Variants in DDX46 observed in about 807,000 individuals in gnomAD.
The protein encoded by DDX46 is DEAD-box helicase 46.
Under a neutral mutation model 134.9 loss-of-function variants are expected in DDX46, and 30 were observed. The observed-to-expected ratio is 0.22, with a 90% CI of 0.17 to 0.30. The LOEUF is 0.30. DDX46 is among the 10% of genes least tolerant of loss of function. The pLI is 1.00. For synonymous variants in DDX46, 415 were observed against 404.1 expected (o/e 1.03, Z -0.32); for missense variants, 622 against 1,248.7 (o/e 0.50, Z 7.56).
At chr5:134,780,070 A>G (rs1248826729) in intron 6 of DDX46, among the ~76,000 whole-genome samples, 2 of 151,594 alleles carry the variant, frequency 1.3e-5, no homozygotes, top group East Asian at 3.9e-4. Context: ...CCTGGGTGAC[A>G]GAATAAGACT....
At chr5:134,804,704 AT>A in intron 15 of DDX46, 1 of 211,558 alleles carries the variant, frequency 4.7e-6, no homozygotes, top group South Asian at 6.9e-5. Context: ...TCACAAAAAT[AT>A]GCTTTTTATT....
intron 20 of DDX46, 111 bp from the exon 21 acceptor site, chr5:134,818,749 A>G (rs948895906): frequency 1.3e-6 from 1 of 765,900 alleles, no homozygotes; most frequent in Admixed American, 3.5e-5. Context: ...AGAGAGAGAG[A>G]GAGAGAGACC....
chr5:134,812,282 C>G (rs1755167123), intron 18 of DDX46, among the ~76,000 whole-genome samples: 2 of 151,920 alleles, frequency 1.3e-5, no homozygotes, highest in Admixed American at 1.3e-4. Context: ...CCAGGCTGGT[C>G]TCAGATTCCT....
chr5:134,789,531 C>T (rs1754443367), intron 12 of DDX46, among the ~76,000 whole-genome samples: 1 of 151,802 alleles, frequency 6.6e-6, no homozygotes, highest in East Asian at 1.9e-4. Context: ...ATTGAGAAGT[C>T]ATTGTGCTTG....
intron 1 of DDX46, among the ~76,000 whole-genome samples, chr5:134,761,861 G>A (rs115546627): frequency 1.2e-4 from 18 of 152,246 alleles, no homozygotes; most frequent in African/African-American, 4.1e-4. Context: ...ATGCCTGGAT[G>A]ATTGCTATAG....
chr5:134,828,628 C>A, intron 22 of DDX46, 31 bp from the exon 23 acceptor site: 4 of 1,341,100 alleles, frequency 3.0e-6, no homozygotes, highest in Non-Finnish European at 2.0e-6. Context: ...TTTGCTTTCT[C>A]TGATGACATA....
rs193097609 is a variant in DDX46, at chr5:134,806,518, A to G, written c.1955-1230A>G. Among the ~76,000 whole-genome samples, 194 of 152,360 alleles carry G rather than the reference A, an allele frequency of 1.3e-3. 2 individuals are homozygous for G. The Middle Eastern group carries it at 0.031, about 24-fold the overall frequency. Reference sequence around the variant, plus strand: ...CTAAAGTAAAAGTTTTGGTATTTTCAAATTATAAACAAATTTATATTGATA... The same window carrying G: ...CTAAAGTAAAAGTTTTGGTATTTTCGAATTATAAACAAATTTATATTGATA... On this transcript the variant is annotated intron_variant, in intron 15 of 22. Transcript: ENST00000452510.
rs1753480617 is a variant in DDX46 at position 134,764,037 on chromosome 5, A to C, written c.151A>C (p.Arg51=). 1 of 1,614,176 alleles carries C rather than the reference A, an allele frequency of 6.2e-7. No homozygotes were observed. Among genetic ancestry groups the C allele is most frequent in the Non-Finnish European group, 8.5e-7 (1 of 1,180,026 alleles). ...TAGAGATAGAGATAGGAGGAGAGAG[A>C]GGTCTCGTAGCAGGGATAAAAGAAG... The part of the protein sequence containing the change: ...RSRDRDRRRE[R]SRSRDKRRSR... The change falls in exon 2 of 23, where the codon AGG becomes CGG. Residue 51 remains arginine (R), a synonymous_variant. Coordinates refer to ENST00000452510, the MANE Select transcript of DDX46 (RefSeq NM_001300860.2).
intron 21 of DDX46, 179 bp from the exon 22 acceptor site, chr5:134,826,768 T>G (rs1258439722): frequency 3.8e-6 from 2 of 526,484 alleles, no homozygotes; most frequent in Non-Finnish European, 6.6e-6. Context: ...GTAATCAAAA[T>G]AATAAGCAGC....
At position 134,816,615 on chromosome 5, in the gene DDX46, T is replaced by C. The variant is rs1301757770; in HGVS notation, c.2613+9T>C. ...GCATCGAGTCTCAGGTATTAAGTAA[T>C]TTGTTCCAAGTCTCAGTCAATACTT... On this transcript the variant is annotated intron_variant, in intron 19 of 22. Coordinates refer to ENST00000452510, the MANE Select transcript of DDX46 (RefSeq NM_001300860.2). 6.2e-7 allele frequency: 1 copy of C among 1,610,150 alleles called. No individual in the cohort carries two copies. The highest frequency in any genetic ancestry group is 1.7e-5 in the Admixed American group (1 of 59,302).
intron 15 of DDX46, among the ~76,000 whole-genome samples, chr5:134,803,987 C>T (rs1398100024): frequency 7.2e-6 from 1 of 139,274 alleles, no homozygotes; most frequent in Non-Finnish European, 1.5e-5. Context: ...AGCTGGAGTG[C>T]AGGGGTGTGA....
chr5:134,805,413 G>A (rs1479361916), intron 15 of DDX46, among the ~76,000 whole-genome samples: 1 of 151,936 alleles, frequency 6.6e-6, no homozygotes, highest in African/African-American at 2.4e-5. Flanking sequence ...TAATCCGCCC[G>A]CCTCGGCCTC....
chr5:134,806,434 A>G (rs1754989035), intron 15 of DDX46, among the ~76,000 whole-genome samples: 1 of 152,212 alleles, frequency 6.6e-6, no homozygotes, highest in Non-Finnish European at 1.5e-5. Context: ...CAGTTAGCAT[A>G]TTATATTCAA....
intron 15 of DDX46, among the ~76,000 whole-genome samples, chr5:134,804,446 T>C (rs1754923718): frequency 6.6e-6 from 1 of 152,162 alleles, no homozygotes; most frequent in East Asian, 1.9e-4. Flanking sequence ...TTTGTCTTTT[T>C]ATTTTTTTTG....
At position 134,777,505 on chromosome 5, in the gene DDX46, G is replaced by A. The variant is rs1343661680; in HGVS notation, c.614-69G>A. On this transcript the variant is annotated intron_variant, in intron 5 of 22. Coordinates refer to ENST00000452510, the MANE Select transcript of DDX46 (RefSeq NM_001300860.2). ...TGGCAGAAAAGGTTAGAGAGGTGGG[G>A]TGTGGTCTGATTGTGAAATACTGCA... The A allele has an allele frequency of 3.8e-6, 6 of 1,569,218 alleles. No homozygotes were observed. The Admixed American group carries it at 5.4e-5, about 14-fold the overall frequency.
chr5:134,799,049 A>T (rs1429055610), intron 15 of DDX46, among the ~76,000 whole-genome samples: 1 of 152,032 alleles, frequency 6.6e-6, no homozygotes, highest in East Asian at 1.9e-4. Flanking sequence ...TTCCGGGAGG[A>T]TGTAGGTAAT....
chr5:134,795,209 T>G (rs943269585), intron 14 of DDX46, among the ~76,000 whole-genome samples, 195 bp downstream of exon 14: 1 of 143,940 alleles, frequency 6.9e-6, no homozygotes, highest in Non-Finnish European at 1.5e-5. Flanking sequence ...TGCTTGTTTT[T>G]TTTTTTTTTT....
At chr5:134,771,134 TTCTG>T (rs1442107898) in intron 4 of DDX46, 135 bp downstream of exon 4, 24 of 545,744 alleles carry the variant, frequency 4.4e-5, no homozygotes, top group Non-Finnish European at 7.4e-5. Flanking sequence ...CTGTCTTTCT[TTCTG>T]TCTGTCTCTG....
At chr5:134,782,834 C>T (rs1384510167) in intron 8 of DDX46, 111 bp from the exon 9 acceptor site, 10 of 1,365,336 alleles carry the variant, frequency 7.3e-6, no homozygotes, top group East Asian at 2.6e-5. Context: ...AGGTGTGAGC[C>T]GCTGGGTCTG....
Sources: gnomAD v4.1 joint callset for allele counts (sites outside exome capture counted in the v4.1 genomes callset) on GRCh38, gnomAD v4.1.1 for gene constraint, MANE v1.5 for transcripts, NCBI Gene and HGNC (gene_info 2026-07-23, HGNC 2026-07-21) for gene names.